The following GLYCTK variants were observed in gnomAD, a reference collection of about 807,000 sequenced individuals.
GLYCTK encodes HBeAg binding protein 4.
In GLYCTK, 22 loss-of-function variants were observed where a neutral mutation model predicts 24.8. The ratio of observed to expected loss-of-function variants is 0.89; its 90% confidence interval spans 0.63 to 1.27. The LOEUF (loss-of-function observed/expected upper bound fraction) is 1.27. Among genes scored for constraint, GLYCTK ranks in the 50% most tolerant of loss-of-function variants. The pLI is 0.00. For missense variants in GLYCTK, 684 were observed against 686.7 expected, an observed-to-expected ratio of 1.00 and a Z score of 0.04; for synonymous variants, 320 against 297.2, an observed-to-expected ratio of 1.08 and a Z score of -0.79.
chr3:52,292,876 C>A lies in GLYCTK; in HGVS notation c.1322C>A (p.Pro441Gln). The change falls in exon 5 of 5, where the codon CCG (proline) becomes CAG (glutamine). Residue 441 changes from proline (P) to glutamine (Q), a missense_variant. Physicochemically the swap from Pro to Gln is moderately conservative, Grantham distance 76 (BLOSUM62 -1). Transcript: ENST00000436784. ...GAGTTGAGAAGGTGGCCGCTGGGGC[C>A]GATAGATGTGCTGTTTTTGAGCGGT... ...GAELRRWPLG[P>Q]IDVLFLSGGT... 1 of 1,613,990 alleles carries A rather than the reference C, an allele frequency of 6.2e-7. No homozygotes were observed. Among genetic ancestry groups the A allele is most frequent in the South Asian group, 1.1e-5 (1 of 91,078 alleles).
Position 52,292,893 on chromosome 3 carries a change from T to G in GLYCTK, c.1339T>G (p.Leu447Val), listed in dbSNP as rs769344021. 3.7e-6 allele frequency: 6 copies of G among 1,613,962 alleles called. No individual in the cohort carries two copies. In the Admixed American group the frequency reaches 1.0e-4, roughly 27 times the overall value. ...WPLGPIDVLFLSGGTDGQDGP... is the reference protein window; with the variant it reads ...WPLGPIDVLFVSGGTDGQDGP... ...GCTGGGGCCGATAGATGTGCTGTTT[T>G]TGAGCGGTGGCACCGATGGGCAGGA... Residue 447 changes from leucine to valine, a missense_variant, in exon 5 of 5, where the codon TTG becomes GTG. Leu to Val is a conservative substitution (Grantham distance 32). Transcript: ENST00000436784.
chr3:52,292,743 T>C lies in GLYCTK; in HGVS notation c.1189T>C (p.Trp397Arg), dbSNP rs1197724240. 1.2e-6 allele frequency: 2 copies of C among 1,608,520 alleles called. No homozygotes were observed. The highest frequency in any genetic ancestry group is 1.7e-5 in the Admixed American group (1 of 59,824). ...GGAGGAGGCTCTGGAGACCATGGCA[T>C]GGGGAAGGGGCCCAGTCTGCCTGCT... ...QLEEALETMAWGRGPVCLLAG... is the reference protein window; with the variant it reads ...QLEEALETMARGRGPVCLLAG... Residue 397 changes from tryptophan to arginine, a missense_variant, in exon 5 of 5, where the codon TGG (tryptophan) becomes CGG (arginine). Transcript: ENST00000436784.
intron 1 of GLYCTK, 117 bp downstream of exon 1, chr3:52,287,993 G>C (rs1578019984): frequency 2.9e-6 from 1 of 343,694 alleles, no homozygotes; most frequent in Non-Finnish European, 6.1e-6. Flanking sequence ...TTACGCGGCA[G>C]CCATTTCCCT....
chr3:52,292,953 C>T lies in GLYCTK; in HGVS notation c.1399C>T (p.Pro467Ser), dbSNP rs1004368692. The stretch of plus-strand genomic sequence containing the variant: ...AGAGGCTGCTGGGGCCTGGGTCACA[C>T]CTGAGCTTGCCAGCCAGGCTGCAGC... ...PTEAAGAWVT[P>S]ELASQAAAEG... The change falls in exon 5 of 5, where the codon CCT (proline) becomes TCT (serine). Residue 467 changes from proline (P) to serine (S), a missense_variant. Physicochemically the swap from Pro to Ser is moderately conservative, Grantham distance 74. Transcript: ENST00000436784. The T allele has an allele frequency of 5.6e-6, 9 of 1,613,940 alleles. No homozygotes were observed. Among genetic ancestry groups the T allele is most frequent in the East Asian group, 4.5e-5 (2 of 44,892 alleles).
At chr3:52,292,164 G>A in intron 4 of GLYCTK, 96 bp from the exon 5 acceptor site, 1 of 1,499,786 alleles carries the variant, frequency 6.7e-7, no homozygotes, top group Non-Finnish European at 9.2e-7. Flanking sequence ...ACTGAGTTGG[G>A]GGAGGGTGTG....
chr3:52,291,627 G>T (rs1421028961), intron 3 of GLYCTK, 120 bp from the exon 4 acceptor site: 8 of 921,760 alleles, frequency 8.7e-6, no homozygotes, highest in African/African-American at 8.2e-5. Flanking sequence ...ATATCCACAG[G>T]GGGGCACCCT....
In GLYCTK at chr3:52,295,243, T is replaced by C. The variant is rs918322294; in HGVS notation, c.*2117T>C. The C allele has an allele frequency of 4.5e-5, 20 of 441,262 alleles. No individual in the cohort carries two copies. The highest frequency in any genetic ancestry group is 3.8e-4 in the African/African-American group (19 of 49,788). The allele number at this position is 441,262 out of a possible 1,614,324, so 27.3% of individuals were successfully genotyped here. ...TCATTACTTGCTCCATAAATGTCAA[T>C]TTTGGATCATTGAAGTGCCCGTCCC... is the stretch of plus-strand genomic sequence containing the variant. On this transcript the variant is annotated 3_prime_UTR_variant, in exon 5 of 5. Transcript: ENST00000436784.
Position 52,294,846 on chromosome 3 carries a change from T to G in GLYCTK, c.*1720T>G. The G allele has an allele frequency of 2.2e-6, 1 of 453,948 alleles. No individual in the cohort carries two copies. The highest frequency in any genetic ancestry group is 7.0e-5 in the East Asian group (1 of 14,370). 28.1% of individuals were successfully genotyped at this position (453,948 alleles called of 1,614,324 possible). A position where few individuals can be genotyped will look rare whatever the true frequency, so the allele number is the denominator to read the frequency against. The stretch of plus-strand genomic sequence containing the variant: ...GGGCCTGGCAGCCATGTCCCCAGTG[T>G]GTGTGTGGGTGGTAGGTGTGTGAGT... On this transcript the variant is annotated 3_prime_UTR_variant, in exon 5 of 5. Transcript: ENST00000436784.
rs1316884647 is a variant in GLYCTK, at chr3:52,293,941, T to C, written c.*815T>C. On this transcript the variant is annotated 3_prime_UTR_variant, in exon 5 of 5. Coordinates refer to ENST00000436784, the MANE Select transcript of GLYCTK (RefSeq NM_145262.4). The stretch of plus-strand genomic sequence containing the variant: ...CCTTGTGACAGCCCTTGTCCTAGGC[T>C]GAACATCCCTAGTTCCTTCAGCCAC... 6.6e-6 allele frequency: 3 copies of C among 452,544 alleles called. No homozygotes were observed. Among genetic ancestry groups the C allele is most frequent in the South Asian group, 4.7e-5 (3 of 64,290 alleles). 28.0% of individuals were successfully genotyped at this position (452,544 alleles called of 1,614,324 possible).
chr3:52,293,977 A>T lies in GLYCTK; in HGVS notation c.*851A>T. Reference sequence around the variant, plus strand: ...AGTTCCTTCAGCCACTCCTCTGGGGACCAAGTCCAGACCCTGAAGTCAGCC... The same window carrying T: ...AGTTCCTTCAGCCACTCCTCTGGGGTCCAAGTCCAGACCCTGAAGTCAGCC... On this transcript the variant is annotated 3_prime_UTR_variant, in exon 5 of 5. Transcript: ENST00000436784. The T allele has an allele frequency of 2.3e-6, 1 of 440,110 alleles. No individual in the cohort carries two copies. The highest frequency in any genetic ancestry group is 4.6e-6 in the Non-Finnish European group (1 of 217,876). The allele number at this position is 440,110 out of a possible 1,614,324, so 27.3% of individuals were successfully genotyped here.
In GLYCTK at chr3:52,292,421, T is replaced by C; in HGVS notation, c.867T>C (p.Ser289=). ...ALPRSVKTVL[S]RADSDPHGPH... ...CACGTTCTGTGAAGACTGTGCTGTCTCGGGCCGACTCTGACCCCCATGGGC... is the reference window on the plus strand; with the variant it reads ...CACGTTCTGTGAAGACTGTGCTGTCCCGGGCCGACTCTGACCCCCATGGGC... The change falls in exon 5 of 5, where the codon TCT becomes TCC. Residue 289 remains serine, a synonymous_variant. Coordinates refer to ENST00000436784, the MANE Select transcript of GLYCTK (RefSeq NM_145262.4). 1 of 1,613,590 alleles carries C rather than the reference T, an allele frequency of 6.2e-7. No individual in the cohort carries two copies. The highest frequency in any genetic ancestry group is 8.5e-7 in the Non-Finnish European group (1 of 1,179,950).
intron 3 of GLYCTK, 120 bp from the exon 4 acceptor site, chr3:52,291,627 G>A: frequency 1.1e-6 from 1 of 921,878 alleles, no homozygotes; most frequent in Non-Finnish European, 1.7e-6. Flanking sequence ...ATATCCACAG[G>A]GGGGCACCCT....
intron 3 of GLYCTK, 82 bp from the exon 4 acceptor site, chr3:52,291,665 T>C: frequency 7.4e-7 from 1 of 1,344,610 alleles, no homozygotes; most frequent in South Asian, 1.2e-5. Flanking sequence ...CCCCTTTTTC[T>C]AATGTGGGCT....
Position 52,293,278 on chromosome 3 carries a change from G to A in GLYCTK, c.*152G>A, listed in dbSNP as rs117180862. Reference sequence around the variant, plus strand: ...GGTTAACTGTCACCTTCCACTCAGGGCCTCTGCTCTATATCTATTCCCTTC... The same window carrying A: ...GGTTAACTGTCACCTTCCACTCAGGACCTCTGCTCTATATCTATTCCCTTC... On this transcript the variant is annotated 3_prime_UTR_variant, in exon 5 of 5. Coordinates refer to ENST00000436784, the MANE Select transcript of GLYCTK (RefSeq NM_145262.4). 4.4e-3 allele frequency: 3,422 copies of A among 783,432 alleles called. 109 individuals are homozygous for A. The East Asian group carries it at 0.074, about 17-fold the overall frequency. 48.5% of individuals were successfully genotyped at this position (783,432 alleles called of 1,614,324 possible). A position where few individuals can be genotyped will look rare whatever the true frequency, so the allele number is the denominator to read the frequency against.
At position 52,292,860 on chromosome 3, in the gene GLYCTK, A is replaced by G; in HGVS notation, c.1306A>G (p.Arg436Gly). ...CCTGCGTGTTGGAGCAGAGTTGAGAAGGTGGCCGCTGGGGCCGATAGATGT... is the reference window on the plus strand; with the variant it reads ...CCTGCGTGTTGGAGCAGAGTTGAGAGGGTGGCCGCTGGGGCCGATAGATGT... ...LALRVGAELR[R>G]WPLGPIDVLF... The change falls in exon 5 of 5, where the codon AGG becomes GGG. Residue 436 changes from arginine to glycine, a missense_variant. Transcript: ENST00000436784. 6.2e-7 allele frequency: 1 copy of G among 1,613,984 alleles called. No homozygotes were observed. The highest frequency in any genetic ancestry group is 1.1e-5 in the South Asian group (1 of 91,082).
At position 52,294,355 on chromosome 3, in the gene GLYCTK, C is replaced by A. The variant is rs758024337; in HGVS notation, c.*1229C>A. On this transcript the variant is annotated 3_prime_UTR_variant, in exon 5 of 5. Transcript: ENST00000436784. ...TCTTCCACCCCAACCCTCCCCTCCT[C>A]CCTGAGGGTGTGGAGGGGCCCTGGG... The A allele has an allele frequency of 7.5e-6, 4 of 533,810 alleles. No individual in the cohort carries two copies. In the African/African-American group the frequency reaches 7.7e-5, roughly 10 times the overall value. The allele number at this position is 533,810 out of a possible 1,614,324, so 33.1% of individuals were successfully genotyped here.
In GLYCTK at chr3:52,290,406, C is replaced by T. The variant is rs368685090; in HGVS notation, c.64C>T (p.Arg22Trp). The T allele has an allele frequency of 6.8e-6, 11 of 1,609,032 alleles. No individual in the cohort carries two copies. Among genetic ancestry groups the T allele is most frequent in the Middle Eastern group, 1.7e-4 (1 of 5,970 alleles). ...AGCCCCCTTGCATCCACTCCTCTGG[C>T]GGGGCTCAGTGGCCCGTCTGGCCAG... ...ARAPLHPLLW[R>W]GSVARLASSM... The change falls in exon 2 of 5, where the codon CGG becomes TGG. Residue 22 changes from arginine (R) to tryptophan (W), a missense_variant. Arg to Trp is a moderately radical substitution (Grantham distance 101). Coordinates refer to ENST00000436784, the MANE Select transcript of GLYCTK (RefSeq NM_145262.4).
chr3:52,289,891 A>G (rs1218220182), intron 1 of GLYCTK, among the ~76,000 whole-genome samples: 1 of 152,234 alleles, frequency 6.6e-6, no homozygotes, highest in African/African-American at 2.4e-5. Flanking sequence ...AAGGAGTGCC[A>G]GAAAGGGGCG....
intron 1 of GLYCTK, chr3:52,289,146 A>G (rs1331810925): frequency 6.6e-6 from 1 of 152,230 alleles, no homozygotes; most frequent in Admixed American, 6.5e-5. Context: ...GAAAGCCTAT[A>G]GTAGAGCTGG....
Sources: allele counts gnomAD v4.1 joint callset (sites outside exome capture counted in the v4.1 genomes callset), GRCh38; gene constraint gnomAD v4.1.1; transcripts MANE v1.5; gene names NCBI Gene and HGNC (gene_info 2026-07-23, HGNC 2026-07-21).